Variants in GCLC observed in about 807,000 individuals in gnomAD.
The protein encoded by GCLC is glutamate-cysteine ligase catalytic subunit.
In GCLC, 30 loss-of-function variants were observed where a neutral mutation model predicts 81.5. The ratio of observed to expected loss-of-function variants is 0.37; its 90% CI spans 0.28 to 0.50. The LOEUF (loss-of-function observed/expected upper bound fraction) is 0.50. Among genes scored for constraint, GCLC ranks in the 20% least tolerant of loss-of-function variants. The probability of loss-of-function intolerance (pLI) is 0.96; values close to 1 mark genes in which losing one functional copy is unlikely to be tolerated. For synonymous variants in GCLC, 262 were observed against 273.3 expected (o/e 0.96, Z 0.41); for missense variants, 556 against 777.4 (o/e 0.72, Z 3.39).
At chr6:53,541,971 G>A (rs769142401) in intron 1 of GCLC, among the ~76,000 whole-genome samples, 24 of 152,168 alleles carry the variant, frequency 1.6e-4, no homozygotes, top group Middle Eastern at 3.4e-3. Flanking sequence ...AGGCTTAAGC[G>A]ATCCTTCTAT....
Position 53,505,882 on chromosome 6 carries a change from G to T in GCLC, c.1211C>A (p.Thr404Lys). ...CTTAAATCTCATTGTCTGCCAATTTGTGGACTGAATATTCTGTGATACAAA... is the reference window on the plus strand; with the variant it reads ...CTTAAATCTCATTGTCTGCCAATTTTTGGACTGAATATTCTGTGATACAAA... The part of the protein sequence containing the change: ...ESDHFENIQS[T>K]NWQTMRFKPP... The change falls in exon 11 of 16, where the codon ACA (threonine) becomes AAA (lysine). Residue 404 changes from threonine (T) to lysine (K), a missense_variant. Coordinates refer to ENST00000650454, the MANE Select transcript of GCLC (RefSeq NM_001498.4). The T allele has an allele frequency of 6.2e-7, 1 of 1,602,826 alleles. No individual in the cohort carries two copies. The highest frequency in any genetic ancestry group is 8.5e-7 in the Non-Finnish European group (1 of 1,169,710).
chr6:53,521,280 G>A (rs947921326), intron 2 of GCLC, among the ~76,000 whole-genome samples: 4 of 152,078 alleles, frequency 2.6e-5, no homozygotes, highest in African/African-American at 9.7e-5. Flanking sequence ...TCAGCCTCCT[G>A]TGTAGCTGGG....
chr6:53,500,299 A>G lies in GCLC; in HGVS notation c.1529T>C (p.Leu510Pro). 4.3e-6 allele frequency: 7 copies of G among 1,614,178 alleles called. No individual in the cohort carries two copies. The highest frequency in any genetic ancestry group is 5.9e-6 in the Non-Finnish European group (7 of 1,180,034). ...GCGKAQNSTE[L>P]AAEEYTLMSI... ...CATGAGGGTGTACTCCTCTGCAGCG[A>G]GCTCCGTGCTGTTCTGGGCCTTGCC... Residue 510 changes from leucine (L) to proline (P), a missense_variant, in exon 14 of 16, where the codon CTC (leucine) becomes CCC (proline). Leu to Pro is a moderately conservative substitution (Grantham distance 98, BLOSUM62 -3). Around this residue, in one of 3 missense-constraint regions of GCLC, gnomAD observed 313 missense variants for 437.3 expected, o/e 0.72. Transcript: ENST00000650454.
intron 2 of GCLC, among the ~76,000 whole-genome samples, chr6:53,522,192 T>C (rs571576103): frequency 1.0e-3 from 158 of 152,344 alleles, no homozygotes; most frequent in Non-Finnish European, 1.7e-3. Flanking sequence ...CTATGATCTT[T>C]ACTTTACAGA....
At chr6:53,531,575 G>A (rs1581746583) in intron 1 of GCLC, among the ~76,000 whole-genome samples, 2 of 152,168 alleles carry the variant, frequency 1.3e-5, no homozygotes, top group African/African-American at 4.8e-5. Context: ...ACACGATGTT[G>A]CAGCTACACT....
chr6:53,514,597 C>T, intron 4 of GCLC, 100 bp from the exon 5 acceptor site: 1 of 863,306 alleles, frequency 1.2e-6, no homozygotes, highest in Non-Finnish European at 2.0e-6. Context: ...AATCATACCT[C>T]AAATTAGTTA....
chr6:53,507,457 A>T, intron 9 of GCLC, 23 bp downstream of exon 9: 4 of 1,612,260 alleles, frequency 2.5e-6, no homozygotes, highest in Non-Finnish European at 3.4e-6. Context: ...ATTCAAACCC[A>T]GAAAGATGGA....
intron 12 of GCLC, among the ~76,000 whole-genome samples, chr6:53,504,231 T>C (rs952233773): frequency 1.1e-4 from 17 of 149,074 alleles, no homozygotes; most frequent in African/African-American, 3.5e-4. Flanking sequence ...CTTTTTTTTT[T>C]CAAGAGATGG....
rs754711670 is a variant in GCLC, at chr6:53,507,540, T to C, written c.1024A>G (p.Lys342Glu). ...ATCGTCAAGTCGATGTCATTATATT[T>C]CTCACCACACTTAGATAAATAGCTG... ...IDSYLSKCGE[K>E]YNDIDLTIDK... The change falls in exon 9 of 16, where the codon AAA becomes GAA. Residue 342 changes from lysine (K) to glutamate (E), a missense_variant. By Grantham distance (56) the Lys-to-Glu change is moderately conservative. Transcript: ENST00000650454. 2.5e-6 allele frequency: 4 copies of C among 1,598,684 alleles called. No individual in the cohort carries two copies. The highest frequency in any genetic ancestry group is 2.7e-5 in the African/African-American group (2 of 74,688).
chr6:53,526,486 T>A (rs978299100), intron 1 of GCLC, among the ~76,000 whole-genome samples: 1 of 152,014 alleles, frequency 6.6e-6, no homozygotes, highest in Non-Finnish European at 1.5e-5. Context: ...AGGGTAAGAG[T>A]TTCAGGGAGC....
intron 4 of GCLC, among the ~76,000 whole-genome samples, chr6:53,515,057 C>T (rs2127623175): frequency 6.6e-6 from 1 of 152,168 alleles, no homozygotes; most frequent in Middle Eastern, 3.4e-3. Context: ...AAAATATACA[C>T]CAGATTTTGA....
intron 1 of GCLC, among the ~76,000 whole-genome samples, chr6:53,527,135 T>C (rs1763097200): frequency 6.6e-6 from 1 of 152,136 alleles, no homozygotes; most frequent in African/African-American, 2.4e-5. Flanking sequence ...TTCCCCTCCT[T>C]ACACCCTGGG....
chr6:53,523,596 T>C (rs777346412), intron 1 of GCLC, among the ~76,000 whole-genome samples: 13 of 152,188 alleles, frequency 8.5e-5, no homozygotes, highest in Non-Finnish European at 1.3e-4. Flanking sequence ...CTTAAAACAA[T>C]ACCCAGAAGC....
chr6:53,526,409 A>G (rs559903650), intron 1 of GCLC, among the ~76,000 whole-genome samples: 4 of 152,344 alleles, frequency 2.6e-5, no homozygotes, highest in Admixed American at 2.6e-4. Flanking sequence ...TTTAAATGGC[A>G]TTTACCACTA....
chr6:53,522,089 T>C (rs1467009861), intron 2 of GCLC, among the ~76,000 whole-genome samples: 1 of 152,248 alleles, frequency 6.6e-6, no homozygotes, highest in Non-Finnish European at 1.5e-5. Flanking sequence ...TTCCCAAAAA[T>C]GTTTTAATAA....
At position 53,544,564 on chromosome 6, in the gene GCLC, G is replaced by T. The variant is rs1337192391; in HGVS notation, c.82C>A (p.Leu28Ile). 5.0e-6 allele frequency: 8 copies of T among 1,607,866 alleles called. No homozygotes were observed. The East Asian group carries it at 1.8e-4, about 36-fold the overall frequency. Reference protein sequence around the residue: ...HADHVRRHGILQFLHIYHAVK... With the variant: ...HADHVRRHGIIQFLHIYHAVK... Reference sequence around the variant, plus strand: ...GCGTGGTAGATGTGCAGGAACTGGAGGATCCCGTGCCGCCGCACGTGGTCG... The same window carrying T: ...GCGTGGTAGATGTGCAGGAACTGGATGATCCCGTGCCGCCGCACGTGGTCG... Residue 28 changes from leucine (L) to isoleucine (I), a missense_variant, in exon 1 of 16, where the codon CTC becomes ATC. By Grantham distance (5) the Leu-to-Ile change is conservative (BLOSUM62 2). Transcript: ENST00000650454.
At chr6:53,538,123 T>C (rs970116061) in intron 1 of GCLC, among the ~76,000 whole-genome samples, 1 of 149,488 alleles carries the variant, frequency 6.7e-6, no homozygotes, top group African/African-American at 2.5e-5. Flanking sequence ...CTAGGCATTT[T>C]CTTTTTTCTT....
intron 6 of GCLC, chr6:53,510,530 T>C (rs1022622952): frequency 6.6e-6 from 1 of 152,136 alleles, no homozygotes; most frequent in African/African-American, 2.4e-5. Flanking sequence ...ACATTTGTAA[T>C]AACTGCAAGT....
intron 1 of GCLC, among the ~76,000 whole-genome samples, chr6:53,528,835 T>C (rs940308903): frequency 1.3e-5 from 2 of 152,212 alleles, no homozygotes; most frequent in Admixed American, 1.3e-4. Context: ...TTTCTCAATA[T>C]TGTCTCAGCC....
Sources: allele counts gnomAD v4.1 joint callset (sites outside exome capture counted in the v4.1 genomes callset), GRCh38; gene constraint gnomAD v4.1.1; regional missense constraint gnomAD v4.1.1; transcripts MANE v1.5; gene names NCBI Gene and HGNC (gene_info 2026-07-23, HGNC 2026-07-21).